Variants in KCNJ12 observed in about 807,000 individuals in gnomAD.
KCNJ12 encodes the protein potassium inwardly rectifying channel subfamily J member 12.
A neutral mutation model predicts 22.3 loss-of-function variants in KCNJ12; 2 were observed. That is an observed-to-expected ratio of 0.09 (90% confidence interval 0.04 to 0.28). KCNJ12 has a LOEUF of 0.28. KCNJ12 is among the 10% of genes least tolerant of loss of function. The probability of loss-of-function intolerance (pLI) is 1.00; values close to 1 mark genes in which losing one functional copy is unlikely to be tolerated. For missense variants in KCNJ12, 155 were observed against 633.3 expected, an observed-to-expected ratio of 0.24 and a Z score of 8.11; for synonymous variants, 117 against 261.4, an observed-to-expected ratio of 0.45 and a Z score of 5.33.
intron 1 of KCNJ12, among the ~76,000 whole-genome samples, chr17:21,378,381 C>A (rs1349217049): frequency 6.6e-6 from 1 of 152,200 alleles, no homozygotes; most frequent in Admixed American, 6.5e-5. Flanking sequence ...TGGGACCGCC[C>A]CCCCCAACAA....
At chr17:21,393,596 G>A (rs1202465984) in intron 1 of KCNJ12, among the ~76,000 whole-genome samples, 3 of 152,204 alleles carry the variant, frequency 2.0e-5, no homozygotes, top group Admixed American at 6.5e-5. Context: ...GGTGGAGGCC[G>A]GAGGGCAGCA....
chr17:21,415,094 T>G (rs797025907), intron 2 of KCNJ12, among the ~76,000 whole-genome samples, 193 bp from the exon 3 acceptor site: 18,654 of 124,978 alleles, frequency 0.15, no homozygotes, highest in African/African-American at 0.21. Flanking sequence ...TGGCTGGAGC[T>G]GCTGGGGGCC....
At chr17:21,390,206 G>GC (rs1257039891) in intron 1 of KCNJ12, among the ~76,000 whole-genome samples, 2 of 152,066 alleles carry the variant, frequency 1.3e-5, no homozygotes, top group Non-Finnish European at 2.9e-5. Context: ...CACCCACAGG[G>GC]CCCACCCCTC....
At chr17:21,388,387 G>A (rs1223276824) in intron 1 of KCNJ12, among the ~76,000 whole-genome samples, 6 of 152,202 alleles carry the variant, frequency 3.9e-5, no homozygotes, top group African/African-American at 1.4e-4. Context: ...ACTGCCCAGA[G>A]GGAGGGGTTG....
At position 21,407,993 on chromosome 17, in the gene KCNJ12, T is replaced by TCATC. The variant is rs60311230; in HGVS notation, c.-178-499_-178-496dup. On this transcript the variant is annotated intron_variant, in intron 1 of 2. Coordinates refer to ENST00000583088, the MANE Select transcript of KCNJ12 (RefSeq NM_021012.5). ...ATTCATTTATCCACCCACCCATCCA[T>TCATC]CATCCATCCATCCATCCATCCATCC... 1.5e-3 allele frequency among the ~76,000 whole-genome samples: 207 copies of TCATC among 134,572 alleles called. 1 individual carries two copies. Among genetic ancestry groups the TCATC allele is most frequent in the East Asian group, 8.3e-3 (37 of 4,484 alleles). The allele number at this position is 134,572 out of a possible 152,430, so 88.3% of individuals were successfully genotyped here.
In KCNJ12 at chr17:21,419,445, G is replaced by A. The variant is rs1488918000; in HGVS notation, c.*2801G>A. ...GGCACAGGTGAACCCCACAGTCCCC[G>A]ACCCTCTGCCCTGATTATGCACGTC... On this transcript the variant is annotated 3_prime_UTR_variant, in exon 3 of 3. Coordinates refer to ENST00000583088, the MANE Select transcript of KCNJ12 (RefSeq NM_021012.5). 1.2e-5 allele frequency: 2 copies of A among 167,048 alleles called. No individual in the cohort carries two copies. Among genetic ancestry groups the A allele is most frequent in the East Asian group, 1.9e-4 (1 of 5,194 alleles). 10.3% of individuals were successfully genotyped at this position (167,048 alleles called of 1,614,324 possible).
At chr17:21,414,490 A>AC (rs1204069241) in intron 2 of KCNJ12, among the ~76,000 whole-genome samples, 4 of 654 alleles carry the variant, frequency 6.1e-3, no homozygotes, top group African/African-American at 0.018. Context: ...AGAAAAAAAG[A>AC]AAGAAAAGAA....
At chr17:21,411,495 C>T (rs1430709935) in intron 2 of KCNJ12, among the ~76,000 whole-genome samples, 5 of 152,304 alleles carry the variant, frequency 3.3e-5, no homozygotes, top group Non-Finnish European at 5.9e-5. Context: ...ACCCCAGCGC[C>T]CCTCTCCCAT....
intron 1 of KCNJ12, among the ~76,000 whole-genome samples, chr17:21,395,647 G>T (rs972362062): frequency 2.0e-5 from 3 of 151,016 alleles, no homozygotes; most frequent in South Asian, 2.1e-4. Context: ...CAGGGATAGT[G>T]ATATAATATT....
At chr17:21,387,968 G>A (rs1555558893) in intron 1 of KCNJ12, among the ~76,000 whole-genome samples, 1 of 152,110 alleles carries the variant, frequency 6.6e-6, no homozygotes, top group African/African-American at 2.4e-5. Context: ...TGTGTGCACT[G>A]GGTCCCTTCC....
chr17:21,396,220 C>G (rs782257174), intron 1 of KCNJ12, among the ~76,000 whole-genome samples: 1 of 152,166 alleles, frequency 6.6e-6, no homozygotes, highest in Non-Finnish European at 1.5e-5. Context: ...GCTACATGCA[C>G]CTGGACTCCT....
intron 2 of KCNJ12, among the ~76,000 whole-genome samples, chr17:21,413,797 C>T (rs1239831210): frequency 4.6e-5 from 7 of 152,298 alleles, no homozygotes; most frequent in Non-Finnish European, 1.0e-4. Flanking sequence ...TGCTGCGGGG[C>T]CTGTCCTGGG....
chr17:21,380,399 G>A (rs1330750582), intron 1 of KCNJ12, among the ~76,000 whole-genome samples: 1 of 152,138 alleles, frequency 6.6e-6, no homozygotes, highest in East Asian at 1.9e-4. Flanking sequence ...CATTGCATAC[G>A]GGGAGACCCA....
At chr17:21,401,058 C>T (rs1335939117) in intron 1 of KCNJ12, among the ~76,000 whole-genome samples, 1 of 152,298 alleles carries the variant, frequency 6.6e-6, no homozygotes, top group African/African-American at 2.4e-5. Context: ...CCATCAAGTT[C>T]ACAAAGCCCT....
At chr17:21,378,443 A>G (rs1049061079) in intron 1 of KCNJ12, among the ~76,000 whole-genome samples, 2 of 152,258 alleles carry the variant, frequency 1.3e-5, no homozygotes, top group Admixed American at 6.5e-5. Flanking sequence ...ACCTCCAACC[A>G]GACAGGGGAC....
chr17:21,379,543 C>T (rs1904793017), intron 1 of KCNJ12, among the ~76,000 whole-genome samples: 2 of 152,166 alleles, frequency 1.3e-5, no homozygotes, highest in African/African-American at 4.8e-5. Flanking sequence ...GCCCTTGGAG[C>T]CCTGCCACCG....
At chr17:21,410,783 G>A (rs1187760404) in intron 2 of KCNJ12, among the ~76,000 whole-genome samples, 5 of 152,302 alleles carry the variant, frequency 3.3e-5, no homozygotes, top group Admixed American at 6.5e-5. Context: ...ACTCCTGAAA[G>A]GCTGTGTAAC....
chr17:21,412,713 G>A (rs1218757230), intron 2 of KCNJ12, among the ~76,000 whole-genome samples: 1 of 152,312 alleles, frequency 6.6e-6, no homozygotes, highest in Non-Finnish European at 1.5e-5. Context: ...CAGCTCCTCA[G>A]CGTCATGGTG....
At chr17:21,387,085 G>T (rs1905091843) in intron 1 of KCNJ12, among the ~76,000 whole-genome samples, 1 of 152,100 alleles carries the variant, frequency 6.6e-6, no homozygotes, top group South Asian at 2.1e-4. Flanking sequence ...GAACCCGGGG[G>T]GCGGAGCCTG....
Sources: allele counts gnomAD v4.1 joint callset (sites outside exome capture counted in the v4.1 genomes callset), GRCh38; gene constraint gnomAD v4.1.1; transcripts MANE v1.5; gene names NCBI Gene and HGNC (gene_info 2026-07-23, HGNC 2026-07-21).